UGGT2: variants seen among roughly 807,000 people sequenced by gnomAD.
UGGT2 encodes UDP-glucose:glycoprotein glucosyltransferase 2.
Under a neutral mutation model 192.1 loss-of-function variants are expected in UGGT2, and 180 were observed. That is an observed-to-expected ratio of 0.94 (90% confidence interval 0.83 to 1.06). The LOEUF is 1.06. Among genes scored for constraint, UGGT2 ranks in the 50% least tolerant of loss-of-function variants. The pLI, the probability that UGGT2 is intolerant of heterozygous loss-of-function variation, is 0.00. For missense variants in UGGT2, 1,849 were observed against 1,795.7 expected (o/e 1.03, Z -0.54); for synonymous variants, 580 against 591.0 (o/e 0.98, Z 0.27).
rs555944887 is a variant in UGGT2, at chr13:95,834,673, G to T, written c.4402-1620C>A. Among the ~76,000 whole-genome samples the T allele has an allele frequency of 2.0e-5, 3 of 152,254 alleles. No homozygotes were observed. The East Asian group carries it at 5.8e-4, about 29-fold the overall frequency. ...AGTGTTTCTATGAGGGAGACGGGCT[G>T]AACACCAAAATTTGTGCCACTTCTC... is the stretch of plus-strand genomic sequence containing the variant. On this transcript the variant is annotated intron_variant, in intron 37 of 38. Coordinates refer to ENST00000376747, the MANE Select transcript of UGGT2 (RefSeq NM_020121.4).
intron 38 of UGGT2, among the ~76,000 whole-genome samples, chr13:95,823,720 CTA>C (rs1177904477): frequency 2.6e-5 from 4 of 151,992 alleles, no homozygotes; most frequent in African/African-American, 9.7e-5. Flanking sequence ...TTCTGCCATT[CTA>C]TATCTTTTAA....
At chr13:95,988,921 G>A (rs1333185623) in intron 8 of UGGT2, among the ~76,000 whole-genome samples, 1 of 152,070 alleles carries the variant, frequency 6.6e-6, no homozygotes, top group African/African-American at 2.4e-5. Context: ...CTATAATCCA[G>A]ATGAAATATA....
chr13:95,980,244 T>C (rs777023598), intron 10 of UGGT2, among the ~76,000 whole-genome samples: 3 of 152,120 alleles, frequency 2.0e-5, no homozygotes, highest in Admixed American at 6.6e-5. Context: ...TCAGCCCAAA[T>C]ACCCTATACA....
At chr13:95,831,761 C>A (rs1886716092) in intron 38 of UGGT2, among the ~76,000 whole-genome samples, 1 of 151,882 alleles carries the variant, frequency 6.6e-6, no homozygotes, top group African/African-American at 2.4e-5. Context: ...TTAACTGTTA[C>A]CTCTTTCCCA....
intron 38 of UGGT2, among the ~76,000 whole-genome samples, chr13:95,825,250 G>C (rs1025620076): frequency 4.6e-5 from 7 of 152,134 alleles, no homozygotes; most frequent in Non-Finnish European, 7.4e-5. Flanking sequence ...CTTCAGGATA[G>C]GAGTGGTATC....
intron 17 of UGGT2, among the ~76,000 whole-genome samples, chr13:95,933,275 G>A (rs915052860): frequency 2.0e-5 from 3 of 152,134 alleles, no homozygotes; most frequent in African/African-American, 7.2e-5. Flanking sequence ...GTATCAGTCT[G>A]CTCAGGGTGT....
At position 95,936,990 on chromosome 13, in the gene UGGT2, T is replaced by C; in HGVS notation, c.1911A>G (p.Glu637=). Residue 637 remains glutamate (E), a synonymous_variant, in exon 17 of 39, where the codon GAA becomes GAG. Transcript: ENST00000376747. ...TTCTTTGAAGAACAGCCATTTTTAG[T>C]TCTTTAATATTCATCTCTTCATGTT... ...PFKHEEMNIK[E]LKMAVLQRMM... 6.2e-7 allele frequency: 1 copy of C among 1,603,202 alleles called. No individual in the cohort carries two copies.
chr13:95,957,881 A>G (rs2050258910), intron 12 of UGGT2, among the ~76,000 whole-genome samples: 1 of 152,234 alleles, frequency 6.6e-6, no homozygotes, highest in Non-Finnish European at 1.5e-5. Context: ...TTACAAGGTC[A>G]TTCCTTTTTC....
intron 12 of UGGT2, among the ~76,000 whole-genome samples, chr13:95,954,800 TCTC>T (rs1399805985): frequency 3.3e-5 from 5 of 152,186 alleles, no homozygotes; most frequent in African/African-American, 1.2e-4. Context: ...GTTCTCAGGA[TCTC>T]CTAAGGGCTG....
intron 8 of UGGT2, among the ~76,000 whole-genome samples, chr13:95,988,510 A>T (rs1050520705): frequency 6.6e-6 from 1 of 152,164 alleles, no homozygotes; most frequent in South Asian, 2.1e-4. Context: ...ATTAAATAGG[A>T]AACTGTACAC....
intron 29 of UGGT2, among the ~76,000 whole-genome samples, chr13:95,870,753 T>G (rs1891147738): frequency 6.6e-6 from 1 of 152,234 alleles, no homozygotes; most frequent in Non-Finnish European, 1.5e-5. Context: ...CTGCTACGAT[T>G]TGAATGTCCC....
chr13:95,828,947 A>G (rs529552536), intron 38 of UGGT2, among the ~76,000 whole-genome samples: 12 of 152,340 alleles, frequency 7.9e-5, no homozygotes, highest in African/African-American at 2.6e-4. Flanking sequence ...CAAACCCAGA[A>G]GCACATCAAA....
At chr13:95,898,472 T>C (rs2048010982) in intron 22 of UGGT2, among the ~76,000 whole-genome samples, 1 of 152,128 alleles carries the variant, frequency 6.6e-6, no homozygotes, top group South Asian at 2.1e-4. Flanking sequence ...GTACTCTGTC[T>C]AGAACAATCC....
intron 5 of UGGT2, among the ~76,000 whole-genome samples, chr13:96,009,893 T>C (rs1478244111): frequency 2.0e-5 from 3 of 152,128 alleles, no homozygotes; most frequent in Non-Finnish European, 2.9e-5. Flanking sequence ...TATAAAAATA[T>C]GCTCAATATT....
chr13:95,882,937 G>A (rs1434762884), intron 27 of UGGT2, among the ~76,000 whole-genome samples: 1 of 152,054 alleles, frequency 6.6e-6, no homozygotes, highest in Non-Finnish European at 1.5e-5. Flanking sequence ...TCTATTAAGA[G>A]ATCTGACTGA....
Position 95,862,350 on chromosome 13 carries a change from G to A in UGGT2, c.3644+1279C>T, listed in dbSNP as rs138473248. Among the ~76,000 whole-genome samples, 350 of 152,280 alleles carry A rather than the reference G, an allele frequency of 2.3e-3. 1 individual carries two copies. Among genetic ancestry groups the A allele is most frequent in the African/African-American group, 8.1e-3 (337 of 41,564 alleles). Reference sequence around the variant, plus strand: ...TTATCTTTGATCAAAATGATTAATGGTTTTCCATCATAGCTCACATTGGGT... The same window carrying A: ...TTATCTTTGATCAAAATGATTAATGATTTTCCATCATAGCTCACATTGGGT... On this transcript the variant is annotated intron_variant, in intron 31 of 38. Coordinates refer to ENST00000376747, the MANE Select transcript of UGGT2 (RefSeq NM_020121.4).
At chr13:95,870,632 T>C (rs1358831832) in intron 29 of UGGT2, among the ~76,000 whole-genome samples, 1 of 152,218 alleles carries the variant, frequency 6.6e-6, no homozygotes, top group African/African-American at 2.4e-5. Context: ...CAAGCATTCC[T>C]AGGATCCAGC....
intron 2 of UGGT2, among the ~76,000 whole-genome samples, 192 bp from the exon 3 acceptor site, chr13:96,023,951 T>G (rs2052590950): frequency 6.6e-6 from 1 of 152,160 alleles, no homozygotes; most frequent in African/African-American, 2.4e-5. Flanking sequence ...TCCAGTAATG[T>G]CCAAGTAATC....
intron 27 of UGGT2, among the ~76,000 whole-genome samples, chr13:95,883,032 C>T (rs2047538395): frequency 1.3e-5 from 2 of 151,908 alleles, no homozygotes; most frequent in South Asian, 2.1e-4. Context: ...TAGTTTGCTG[C>T]CTTTTCTCTA....
Sources: allele counts gnomAD v4.1 joint callset (sites outside exome capture counted in the v4.1 genomes callset), GRCh38; gene constraint gnomAD v4.1.1; transcripts MANE v1.5; gene names NCBI Gene and HGNC (gene_info 2026-07-23, HGNC 2026-07-21).